LRRC8C: variants seen among roughly 807,000 people sequenced by gnomAD.
The protein encoded by LRRC8C is leucine rich repeat containing 8 VRAC subunit C.
A neutral mutation model predicts 55.3 loss-of-function variants in LRRC8C; 20 were observed. The ratio of observed to expected loss-of-function variants is 0.36; its 90% CI spans 0.25 to 0.53. The LOEUF (loss-of-function observed/expected upper bound fraction) is 0.53, where lower values mean the gene tolerates loss of function less well. Ranked by LOEUF, LRRC8C falls within the 20% of genes least tolerant of loss-of-function variation. The pLI is 0.92. For missense variants in LRRC8C, 659 were observed against 951.4 expected, an observed-to-expected ratio of 0.69 and a Z score of 4.04; for synonymous variants, 376 against 360.7, an observed-to-expected ratio of 1.04 and a Z score of -0.48.
At chr1:89,640,665 G>T (rs1340314066) in intron 1 of LRRC8C, among the ~76,000 whole-genome samples, 1 of 152,202 alleles carries the variant, frequency 6.6e-6, no homozygotes, top group East Asian at 1.9e-4. Context: ...TCTAGTTAGT[G>T]CACTGCTATG....
At position 89,659,062 on chromosome 1, in the gene LRRC8C, TGTGTGTGTG is replaced by T. The variant is rs1204287251; in HGVS notation, c.-5+25741_-5+25749del. Among the ~76,000 whole-genome samples the T allele has an allele frequency of 9.0e-4, 60 of 66,922 alleles. 4 individuals are homozygous for T. Among genetic ancestry groups the T allele is most frequent in the East Asian group, 1.8e-3 (5 of 2,742 alleles). The allele number at this position is 66,922 out of a possible 152,430, so 43.9% of individuals were successfully genotyped here. A position where few individuals can be genotyped will look rare whatever the true frequency, so the allele number is the denominator to read the frequency against. On this transcript the variant is annotated intron_variant, in intron 1 of 2. Coordinates refer to ENST00000370454, the MANE Select transcript of LRRC8C (RefSeq NM_032270.5). Reference sequence around the variant, plus strand: ...GTCTTCTCCAGGTTTTTTTTTTTTTTGTGTGTGTGTGTGTGTGTGTGTGTGTGTGTGTGT... The same window carrying T: ...GTCTTCTCCAGGTTTTTTTTTTTTTTTGTGTGTGTGTGTGTGTGTGTGTGT...
intron 1 of LRRC8C, among the ~76,000 whole-genome samples, chr1:89,671,026 C>G (rs377711223): frequency 6.6e-5 from 10 of 152,204 alleles, no homozygotes; most frequent in African/African-American, 1.4e-4. Context: ...GTTTATAGAT[C>G]TGTTACTCAC....
chr1:89,667,686 C>T (rs1396688806), intron 1 of LRRC8C, among the ~76,000 whole-genome samples: 3 of 152,076 alleles, frequency 2.0e-5, no homozygotes, highest in Non-Finnish European at 4.4e-5. Context: ...GAAATCACAT[C>T]CTAAGCCACA....
chr1:89,693,646 C>CTT (rs35427989), intron 2 of LRRC8C, among the ~76,000 whole-genome samples: 1,139 of 82,740 alleles, frequency 0.014, 179 homozygotes, highest in African/African-American at 0.053. Context: ...TCTTTTCTTC[C>CTT]TTTTTTTTTT....
chr1:89,621,924 T>A, the LRRC8C span, among the ~76,000 whole-genome samples: 3 of 152,214 alleles, frequency 2.0e-5, no homozygotes, highest in African/African-American at 7.2e-5. Context: ...GGTATCTTTT[T>A]TTCTCAGTCA....
At chr1:89,699,191 G>A (rs1658251945) in intron 2 of LRRC8C, among the ~76,000 whole-genome samples, 2 of 152,190 alleles carry the variant, frequency 1.3e-5, no homozygotes, top group African/African-American at 4.8e-5. Context: ...CAAAACTACA[G>A]ACAGTAAAAT....
Position 89,699,593 on chromosome 1 carries a change from A to C in LRRC8C, c.138+12982A>C, listed in dbSNP as rs569998463. Among the ~76,000 whole-genome samples the C allele has an allele frequency of 2.0e-5, 3 of 152,350 alleles. No individual in the cohort carries two copies. In the South Asian group the frequency reaches 6.2e-4, roughly 32 times the overall value. On this transcript the variant is annotated intron_variant, in intron 2 of 2. Coordinates refer to ENST00000370454, the MANE Select transcript of LRRC8C (RefSeq NM_032270.5). ...TAGAAGAAAAGAAGAGAGCATGTGC[A>C]CAGCAAACAGGAAATGATGCCACAT...
upstream of LRRC8C, among the ~76,000 whole-genome samples, chr1:89,628,542 C>T (rs1195902128): frequency 6.6e-6 from 1 of 152,160 alleles, no homozygotes; most frequent in Non-Finnish European, 1.5e-5. Flanking sequence ...GTATGAGCCA[C>T]CTTCTCTTGG....
rs374990784 is a variant in LRRC8C, at chr1:89,713,383, C to G, written c.813C>G (p.Ile271Met). The G allele has an allele frequency of 4.3e-6, 7 of 1,614,104 alleles. No individual in the cohort carries two copies. The highest frequency in any genetic ancestry group is 5.9e-6 in the Non-Finnish European group (7 of 1,180,054). Residue 271 changes from isoleucine (I) to methionine (M), a missense_variant, in exon 3 of 3, where the codon ATC (isoleucine) becomes ATG (methionine). By Grantham distance (10) the Ile-to-Met change is conservative. This residue lies in a region of LRRC8C where 200 missense variants were observed against 360.5 expected (regional missense o/e 0.55). Coordinates refer to ENST00000370454, the MANE Select transcript of LRRC8C (RefSeq NM_032270.5). The surrounding 1 kb of genome is among the most constrained non-coding windows in gnomAD (Gnocchi z 5.2). ...MYVRQTVLKV[I>M]KFLIIIAYNS... ...TTCGCCAGACTGTACTTAAAGTTATCAAATTCCTAATCATCATTGCATATA... is the reference window on the plus strand; with the variant it reads ...TTCGCCAGACTGTACTTAAAGTTATGAAATTCCTAATCATCATTGCATATA...
chr1:89,679,880 G>A (rs771942418), intron 1 of LRRC8C, among the ~76,000 whole-genome samples: 6 of 152,160 alleles, frequency 3.9e-5, no homozygotes, highest in Non-Finnish European at 8.8e-5. Flanking sequence ...GTTAGCAATC[G>A]TGTTGGAATC....
rs867063854 is a variant in LRRC8C, at chr1:89,644,738, T to C, written c.-5+11416T>C. On this transcript the variant is annotated intron_variant, in intron 1 of 2. Transcript: ENST00000370454. ...AAGAGATTGCCCTCAAATCCGCATA[T>C]AAACTCTTACCAAATCTTTGCCTGA... is the stretch of plus-strand genomic sequence containing the variant. Among the ~76,000 whole-genome samples, 7 of 152,324 alleles carry C rather than the reference T, an allele frequency of 4.6e-5. No individual in the cohort carries two copies. In the South Asian group the frequency reaches 1.5e-3, roughly 32 times the overall value.
chr1:89,680,549 C>CTTT (rs10593283), intron 1 of LRRC8C, among the ~76,000 whole-genome samples: 24 of 91,870 alleles, frequency 2.6e-4, no homozygotes, highest in East Asian at 3.7e-4. Flanking sequence ...TGCTTTCATG[C>CTTT]TTTTTTTTTT....
At chr1:89,655,656 A>C (rs1656923359) in intron 1 of LRRC8C, among the ~76,000 whole-genome samples, 1 of 152,220 alleles carries the variant, frequency 6.6e-6, no homozygotes, top group Admixed American at 6.5e-5. Flanking sequence ...ACATGGTGGA[A>C]TGGCAAAGAG....
intron 1 of LRRC8C, among the ~76,000 whole-genome samples, chr1:89,667,443 A>G (rs1657300771): frequency 6.6e-6 from 1 of 152,176 alleles, no homozygotes; most frequent in Non-Finnish European, 1.5e-5. Flanking sequence ...ACTTAAAAAT[A>G]TTGGACTCAT....
chr1:89,619,800 C>T, the LRRC8C span, among the ~76,000 whole-genome samples: 2 of 152,076 alleles, frequency 1.3e-5, no homozygotes. Context: ...ATATGTCAGG[C>T]TCTGTTCTAA....
chr1:89,633,886 A>T (rs1656206912), intron 1 of LRRC8C, among the ~76,000 whole-genome samples: 1 of 152,148 alleles, frequency 6.6e-6, no homozygotes, highest in Non-Finnish European at 1.5e-5. Context: ...CGGGCCCCAG[A>T]AGCCAGGTGT....
chr1:89,696,421 T>G (rs1012754401), intron 2 of LRRC8C, among the ~76,000 whole-genome samples: 10 of 151,996 alleles, frequency 6.6e-5, no homozygotes, highest in African/African-American at 2.4e-4. Context: ...TAATCTCTGC[T>G]GTGCTCAGGT....
At position 89,683,362 on chromosome 1, in the gene LRRC8C, A is replaced by T. The variant is rs111393355; in HGVS notation, c.-4-3108A>T. On this transcript the variant is annotated intron_variant, in intron 1 of 2. Coordinates refer to ENST00000370454, the MANE Select transcript of LRRC8C (RefSeq NM_032270.5). ...TCCATTCAAAGTACAAGATAGACTA[A>T]TTTTTTTTTTTTTTTAAGATGGAGT... Among the ~76,000 whole-genome samples the T allele has an allele frequency of 6.3e-3, 913 of 144,392 alleles. 3 individuals carry two copies. The highest frequency in any genetic ancestry group is 0.031 in the Middle Eastern group (9 of 290). The allele number at this position is 144,392 out of a possible 152,430, so 94.7% of individuals were successfully genotyped here.
chr1:89,659,813 A>G (rs1657063034), intron 1 of LRRC8C, among the ~76,000 whole-genome samples: 1 of 152,182 alleles, frequency 6.6e-6, no homozygotes, highest in Non-Finnish European at 1.5e-5. Context: ...TGTGTCATGC[A>G]AAAGTGTTAC....
Sources: gnomAD v4.1 joint callset for allele counts (sites outside exome capture counted in the v4.1 genomes callset) on GRCh38, gnomAD v4.1.1 for gene constraint, gnomAD v4.1.1 regional missense constraint, Gnocchi (gnomAD v3.1) non-coding constraint, MANE v1.5 for transcripts, NCBI Gene and HGNC (gene_info 2026-07-23, HGNC 2026-07-21) for gene names.